The following ATF2 variants were observed in gnomAD, a reference collection of about 807,000 sequenced individuals.
ATF2 encodes the protein activating transcription factor 2, also known as cyclic AMP-dependent transcription factor ATF-2.
Under a neutral mutation model 60.6 loss-of-function variants are expected in ATF2, and 24 were observed. The ratio of observed to expected loss-of-function variants is 0.40; its 90% confidence interval spans 0.29 to 0.56. The LOEUF is 0.56. ATF2 is among the 20% of genes least tolerant of loss of function. The probability of loss-of-function intolerance (pLI) is 0.54; values close to 1 mark genes in which losing one functional copy is unlikely to be tolerated. For synonymous variants in ATF2, 206 were observed against 215.4 expected (o/e 0.96, Z 0.38); for missense variants, 433 against 607.7 (o/e 0.71, Z 3.02).
intron 1 of ATF2, among the ~76,000 whole-genome samples, chr2:175,155,155 C>T (rs1405991307): frequency 1.3e-5 from 2 of 152,218 alleles, no homozygotes; most frequent in African/African-American, 4.8e-5. Context: ...GTATCTTCAT[C>T]TTCCCTTTGT....
rs1000437643 is a variant in ATF2 at position 175,080,579 on chromosome 2, T to C, written c.1291+81A>G. 8 of 1,059,840 alleles carry C rather than the reference T, an allele frequency of 7.5e-6. No homozygotes were observed. In the African/African-American group the frequency reaches 1.1e-4, roughly 15 times the overall value. 65.7% of individuals were successfully genotyped at this position (1,059,840 alleles called of 1,614,324 possible). A position where few individuals can be genotyped will look rare whatever the true frequency, so the allele number is the denominator to read the frequency against. Reference sequence around the variant, plus strand: ...TTGAATATTAGAAGCACAGTCTCCATTTTTAAAGTAGCAGCTCAGTTCACT... The same window carrying C: ...TTGAATATTAGAAGCACAGTCTCCACTTTTAAAGTAGCAGCTCAGTTCACT... On this transcript the variant is annotated intron_variant, in intron 13 of 13. Coordinates refer to ENST00000264110, the MANE Select transcript of ATF2 (RefSeq NM_001880.4).
chr2:175,154,318 C>A (rs977917719), intron 1 of ATF2, among the ~76,000 whole-genome samples: 16 of 151,776 alleles, frequency 1.1e-4, no homozygotes, highest in Non-Finnish European at 2.1e-4. Context: ...TAGGCCTACA[C>A]AGGGTGACGA....
At chr2:175,167,549 C>T (rs1332934233) in intron 1 of ATF2, 6 of 450,234 alleles carry the variant, frequency 1.3e-5, no homozygotes. Flanking sequence ...CTCCTCCCCG[C>T]CACCATCACC....
intron 4 of ATF2, among the ~76,000 whole-genome samples, chr2:175,129,580 C>T (rs1014229330): frequency 3.3e-5 from 5 of 151,752 alleles, no homozygotes; most frequent in African/African-American, 7.3e-5. Flanking sequence ...TTCTTTAATT[C>T]TTCCTGTCTA....
chr2:175,122,862 A>G (rs1697065644), intron 4 of ATF2, among the ~76,000 whole-genome samples: 1 of 152,076 alleles, frequency 6.6e-6, no homozygotes, highest in South Asian at 2.1e-4. Flanking sequence ...GGGGCTAAAA[A>G]AGACCCTAAA....
At chr2:175,108,404 C>G (rs1242452547) in intron 10 of ATF2, among the ~76,000 whole-genome samples, 2 of 150,452 alleles carry the variant, frequency 1.3e-5, no homozygotes, top group Non-Finnish European at 3.0e-5. Context: ...CCGCCCCGTC[C>G]GGGAGGGAGG....
chr2:175,107,603 C>A (rs993498336), intron 10 of ATF2, among the ~76,000 whole-genome samples: 2 of 152,250 alleles, frequency 1.3e-5, no homozygotes, highest in South Asian at 2.1e-4. Flanking sequence ...CCACGGTCTC[C>A]CTCTGATGCC....
At chr2:175,094,339 A>G (rs1227522900) in intron 11 of ATF2, among the ~76,000 whole-genome samples, 1 of 143,732 alleles carries the variant, frequency 7.0e-6, no homozygotes, top group Non-Finnish European at 1.5e-5. Flanking sequence ...GGTTGCAGTG[A>G]GTCAAGATAA....
chr2:175,123,597 C>T (rs1041558317), intron 4 of ATF2, among the ~76,000 whole-genome samples: 13 of 151,876 alleles, frequency 8.6e-5, no homozygotes, highest in Non-Finnish European at 1.3e-4. Flanking sequence ...TGTGTTCGTA[C>T]AAAACATACG....
intron 3 of ATF2, among the ~76,000 whole-genome samples, chr2:175,131,048 G>A (rs1559096887): frequency 6.6e-6 from 1 of 152,150 alleles, no homozygotes; most frequent in Admixed American, 6.6e-5. Flanking sequence ...ACTGCTTCAT[G>A]TTTAAAGCAT....
chr2:175,160,219 T>C (rs1046038177), intron 1 of ATF2, among the ~76,000 whole-genome samples: 4 of 152,088 alleles, frequency 2.6e-5, no homozygotes, highest in African/African-American at 9.7e-5. Flanking sequence ...ACTCCATCTC[T>C]ACAAAAAATT....
intron 12 of ATF2, among the ~76,000 whole-genome samples, chr2:175,091,951 G>A (rs1038869489): frequency 2.0e-5 from 3 of 152,174 alleles, no homozygotes; most frequent in Admixed American, 6.5e-5. Flanking sequence ...TTAAGTCTAT[G>A]TGATGTGGTA....
chr2:175,144,994 T>C (rs1421485950), intron 2 of ATF2, among the ~76,000 whole-genome samples: 1 of 152,254 alleles, frequency 6.6e-6, no homozygotes, highest in Admixed American at 6.5e-5. Context: ...AGTGAATTCA[T>C]ACTACAGTTG....
At chr2:175,114,481 T>C in intron 8 of ATF2, 1 of 1,277,096 alleles carries the variant, frequency 7.8e-7, no homozygotes, top group Non-Finnish European at 9.9e-7. Context: ...ATTCACATTC[T>C]ATATTTGTTT....
chr2:175,147,832 G>GC (rs1311191049), intron 2 of ATF2: 1 of 152,114 alleles, frequency 6.6e-6, no homozygotes, highest in Non-Finnish European at 1.5e-5. Context: ...TAAATCAAAA[G>GC]CATTCATATT....
At chr2:175,099,362 T>TA (rs1478125404) in intron 10 of ATF2, among the ~76,000 whole-genome samples, 4 of 152,104 alleles carry the variant, frequency 2.6e-5, no homozygotes, top group African/African-American at 9.7e-5. Context: ...CCTCGGCTCC[T>TA]AAAGTTCTGG....
intron 5 of ATF2, among the ~76,000 whole-genome samples, chr2:175,119,080 T>G (rs1696774887): frequency 6.6e-6 from 1 of 151,612 alleles, no homozygotes; most frequent in Non-Finnish European, 1.5e-5. Flanking sequence ...TCAACTTTAC[T>G]CGAATATGTA....
intron 5 of ATF2, among the ~76,000 whole-genome samples, chr2:175,120,839 A>T (rs1345988556): frequency 6.6e-6 from 1 of 151,796 alleles, no homozygotes. Context: ...GCATGGAATG[A>T]CAATCAACCA....
intron 11 of ATF2, among the ~76,000 whole-genome samples, chr2:175,096,263 A>G (rs938886393): frequency 2.0e-5 from 3 of 152,228 alleles, no homozygotes; most frequent in African/African-American, 4.8e-5. Flanking sequence ...GCATATAACA[A>G]TATCAATCAT....
Sources: gnomAD v4.1 joint callset for allele counts (sites outside exome capture counted in the v4.1 genomes callset) on GRCh38, gnomAD v4.1.1 for gene constraint, MANE v1.5 for transcripts, NCBI Gene and HGNC (gene_info 2026-07-23, HGNC 2026-07-21) for gene names.